The following SIPA1L2 variants were observed in gnomAD, a reference collection of about 807,000 sequenced individuals.
SIPA1L2 encodes the protein signal-induced proliferation-associated 1-like protein 2.
A neutral mutation model predicts 163.9 loss-of-function variants in SIPA1L2; 56 were observed. That is an observed-to-expected ratio of 0.34 (90% CI 0.28 to 0.43). SIPA1L2 has a LOEUF of 0.43. Among genes scored for constraint, SIPA1L2 ranks in the 20% least tolerant of loss-of-function variants. The pLI is 1.00. For synonymous variants in SIPA1L2, 877 were observed against 865.7 expected (o/e 1.01, Z -0.23); for missense variants, 1,974 against 2,193.5 (o/e 0.90, Z 2.00).
chr1:232,415,095 G>A (rs898624656), intron 19 of SIPA1L2, among the ~76,000 whole-genome samples: 1 of 152,198 alleles, frequency 6.6e-6, no homozygotes, highest in Admixed American at 6.5e-5. Context: ...GCCTGTGCTT[G>A]TCCGGCGAAG....
intron 22 of SIPA1L2, among the ~76,000 whole-genome samples, chr1:232,399,647 T>C (rs574106997): frequency 5.3e-5 from 8 of 152,316 alleles, no homozygotes; most frequent in Non-Finnish European, 7.4e-5. Context: ...AAATTGGAAT[T>C]AGCAGAGCTG....
At chr1:232,442,114 A>G (rs1030049558) in intron 12 of SIPA1L2, among the ~76,000 whole-genome samples, 2 of 152,136 alleles carry the variant, frequency 1.3e-5, no homozygotes, top group African/African-American at 4.8e-5. Context: ...ATTTACAGAT[A>G]AAGAAGGGCT....
At chr1:232,423,496 A>T (rs1191006582) in intron 18 of SIPA1L2, among the ~76,000 whole-genome samples, 1 of 152,224 alleles carries the variant, frequency 6.6e-6, no homozygotes, top group East Asian at 1.9e-4. Flanking sequence ...ATATTTTGTT[A>T]GTTCATCCAT....
Position 232,514,764 on chromosome 1 carries a change from A to G in SIPA1L2, c.576T>C (p.Tyr192=), listed in dbSNP as rs761810329. The G allele has an allele frequency of 1.9e-6, 3 of 1,614,214 alleles. No individual in the cohort carries two copies. The South Asian group carries it at 3.3e-5, about 18-fold the overall frequency. The change falls in exon 3 of 23, where the codon TAT becomes TAC. Residue 192 remains tyrosine, a synonymous_variant. Transcript: ENST00000674635. ...GCCTGTCGATGGATGAAGTACTTCC[A>G]TACTCCCTGTGCAGGGCAGCCCCGG... ...PNTGAALHRE[Y]GSTSSIDRQG... is the part of the protein sequence containing the mutation.
intron 1 of SIPA1L2, among the ~76,000 whole-genome samples, chr1:232,587,243 C>G (rs558125907): frequency 6.6e-6 from 1 of 152,148 alleles, no homozygotes; most frequent in East Asian, 1.9e-4. Flanking sequence ...GTTCAGGACA[C>G]AGGAGTCAAC....
intron 14 of SIPA1L2, among the ~76,000 whole-genome samples, chr1:232,439,835 T>A (rs551299051): frequency 1.3e-5 from 2 of 152,252 alleles, no homozygotes; most frequent in South Asian, 2.1e-4. Context: ...GAAATTAATA[T>A]AAGGAAGAGA....
Position 232,415,436 on chromosome 1 carries a change from C to T in SIPA1L2, c.4762+58G>A, listed in dbSNP as rs1661189046. On this transcript the variant is annotated intron_variant, in intron 19 of 22. Coordinates refer to ENST00000674635, the MANE Select transcript of SIPA1L2 (RefSeq NM_020808.5). ...GGGCTCCCCTAAGATGCCGCACAGG[C>T]CCTGCAGGAAAGCACTCCCAGGGTA... 9 of 1,537,386 alleles carry T rather than the reference C, an allele frequency of 5.9e-6. No homozygotes were observed. In the Admixed American group the frequency reaches 8.7e-5, roughly 15 times the overall value.
rs202129777 is a variant in SIPA1L2 at position 232,515,136 on chromosome 1, G to C, written c.204C>G (p.Thr68=). ...ETGGGGPANG[T]PAVPKMGVRA... ...TCACACCCATCTTGGGCACAGCTGG[G>C]GTACCATTAGCCGGACCACCACCGC... The change falls in exon 3 of 23, where the codon ACC becomes ACG. Residue 68 remains threonine (T), a synonymous_variant. Coordinates refer to ENST00000674635, the MANE Select transcript of SIPA1L2 (RefSeq NM_020808.5). 6.2e-7 allele frequency: 1 copy of C among 1,613,834 alleles called. No homozygotes were observed. The highest frequency in any genetic ancestry group is 8.5e-7 in the Non-Finnish European group (1 of 1,179,916).
chr1:232,400,081 C>A (rs1660245059), intron 22 of SIPA1L2, among the ~76,000 whole-genome samples: 1 of 152,164 alleles, frequency 6.6e-6, no homozygotes, highest in African/African-American at 2.4e-5. Flanking sequence ...AGGCCCTCCT[C>A]AATACCACCT....
intron 1 of SIPA1L2, among the ~76,000 whole-genome samples, chr1:232,590,005 G>A (rs980379871): frequency 6.6e-6 from 1 of 152,196 alleles, no homozygotes; most frequent in Admixed American, 6.5e-5. Flanking sequence ...CACAGAACAG[G>A]AAGTCATCGC....
At chr1:232,554,162 A>G (rs184649384) in intron 2 of SIPA1L2, among the ~76,000 whole-genome samples, 9 of 152,320 alleles carry the variant, frequency 5.9e-5, no homozygotes, top group African/African-American at 2.2e-4. Context: ...TTAAATTTCT[A>G]TCTTCATCTC....
intron 5 of SIPA1L2, among the ~76,000 whole-genome samples, chr1:232,484,962 T>A (rs747747481): frequency 6.6e-6 from 1 of 152,192 alleles, no homozygotes; most frequent in Non-Finnish European, 1.5e-5. Context: ...TAAGGCAAAA[T>A]GATACTCATT....
At chr1:232,471,303 A>T in intron 8 of SIPA1L2, 68 bp downstream of exon 8, 1 of 1,500,688 alleles carries the variant, frequency 6.7e-7, no homozygotes, top group Middle Eastern at 2.0e-4. Context: ...AAACAAAGAT[A>T]TTTTTGGGAA....
chr1:232,445,341 A>T (rs1214255286), intron 11 of SIPA1L2, among the ~76,000 whole-genome samples, 188 bp downstream of exon 11: 1 of 152,144 alleles, frequency 6.6e-6, no homozygotes, highest in Non-Finnish European at 1.5e-5. Context: ...TACCAGCACC[A>T]TCTTGGGGCC....
At chr1:232,539,683 C>A (rs1446515505) in intron 2 of SIPA1L2, among the ~76,000 whole-genome samples, 1 of 152,066 alleles carries the variant, frequency 6.6e-6, no homozygotes, top group East Asian at 1.9e-4. Context: ...CTGTGCTCTC[C>A]CCATTCCCCC....
At chr1:232,488,013 G>C (rs1406118820) in intron 5 of SIPA1L2, among the ~76,000 whole-genome samples, 2 of 151,988 alleles carry the variant, frequency 1.3e-5, no homozygotes, top group African/African-American at 4.8e-5. Context: ...GAGTGCAGTG[G>C]TGCGATCTTG....
At chr1:232,442,935 C>G (rs1393114833) in intron 12 of SIPA1L2, among the ~76,000 whole-genome samples, 2 of 152,218 alleles carry the variant, frequency 1.3e-5, no homozygotes, top group Non-Finnish European at 2.9e-5. Context: ...GTGATATAAG[C>G]TGCTCCTCAG....
At chr1:232,612,229 A>G (rs35651361) in intron 1 of SIPA1L2, among the ~76,000 whole-genome samples, 3,768 of 152,332 alleles carry the variant, frequency 0.025, 67 homozygotes, top group South Asian at 0.037. Context: ...GCAGGCACTC[A>G]TGGAGAAACT....
chr1:232,482,125 G>A (rs1054667677), intron 6 of SIPA1L2, among the ~76,000 whole-genome samples: 1 of 152,118 alleles, frequency 6.6e-6, no homozygotes, highest in Non-Finnish European at 1.5e-5. Flanking sequence ...TAGTTGTTAC[G>A]TTCTCATCTC....
Sources: gnomAD v4.1 joint callset for allele counts (sites outside exome capture counted in the v4.1 genomes callset) on GRCh38, gnomAD v4.1.1 for gene constraint, MANE v1.5 for transcripts, NCBI Gene and HGNC (gene_info 2026-07-23, HGNC 2026-07-21) for gene names.